The following BNC2 variants were observed in gnomAD, a reference collection of about 807,000 sequenced individuals.
BNC2 encodes the protein zinc finger protein basonuclin-2.
BNC2 carries 20 observed loss-of-function variants against 76.3 expected under a neutral mutation model. The ratio of observed to expected loss-of-function variants is 0.26; its 90% CI spans 0.18 to 0.38. The LOEUF (loss-of-function observed/expected upper bound fraction) is 0.38, where lower values mean the gene tolerates loss of function less well. Ranked by LOEUF, BNC2 falls within the 10% of genes least tolerant of loss-of-function variation. The pLI is 1.00. For synonymous variants in BNC2, 582 were observed against 514.8 expected (o/e 1.13, Z -1.77); for missense variants, 1,382 against 1,399.8 (o/e 0.99, Z 0.20).
intron 4 of BNC2, among the ~76,000 whole-genome samples, chr9:16,556,643 C>T (rs1178173622): frequency 4.2e-5 from 6 of 142,428 alleles, no homozygotes; most frequent in African/African-American, 6.1e-5. Context: ...TGGTGCGCGC[C>T]TGTAGTCCCA....
At chr9:16,676,890 A>C (rs1822660157) in intron 3 of BNC2, among the ~76,000 whole-genome samples, 1 of 152,224 alleles carries the variant, frequency 6.6e-6, no homozygotes, top group Admixed American at 6.5e-5. Flanking sequence ...TGAAGATATT[A>C]TCATTTTCTT....
intron 3 of BNC2, among the ~76,000 whole-genome samples, chr9:16,602,416 C>G (rs919125582): frequency 3.9e-5 from 6 of 152,118 alleles, no homozygotes; most frequent in African/African-American, 1.4e-4. Context: ...ACATGGTATT[C>G]ACCAATGGGG....
intron 1 of BNC2, among the ~76,000 whole-genome samples, chr9:16,743,272 C>T (rs1824902677): frequency 6.6e-6 from 1 of 152,108 alleles, no homozygotes; most frequent in South Asian, 2.1e-4. Context: ...CACAGAATTT[C>T]GAATTTATTA....
chr9:16,552,407 T>C, intron 5 of BNC2, 123 bp downstream of exon 5: 1 of 823,604 alleles, frequency 1.2e-6, no homozygotes, highest in Non-Finnish European at 2.0e-6. Flanking sequence ...ACAAGCCTGC[T>C]GAAACGACCA....
chr9:16,703,634 A>G (rs188766848), intron 3 of BNC2, among the ~76,000 whole-genome samples: 7 of 152,308 alleles, frequency 4.6e-5, no homozygotes, highest in Admixed American at 3.3e-4. Flanking sequence ...TAAGAAGAAC[A>G]AGCCATCATA....
At chr9:16,536,008 G>A (rs981376476) in intron 5 of BNC2, among the ~76,000 whole-genome samples, 2 of 151,988 alleles carry the variant, frequency 1.3e-5, no homozygotes, top group African/African-American at 4.8e-5. Flanking sequence ...ATATGTAAAT[G>A]GGCCATCCTA....
chr9:16,803,663 G>A (rs535244898), intron 1 of BNC2, among the ~76,000 whole-genome samples: 2 of 152,332 alleles, frequency 1.3e-5, no homozygotes, highest in South Asian at 2.1e-4. Flanking sequence ...CTACTCAGCC[G>A]GTGACAGCTT....
chr9:16,808,956 C>G (rs372267840), intron 1 of BNC2, among the ~76,000 whole-genome samples: 1 of 152,226 alleles, frequency 6.6e-6, no homozygotes, highest in Non-Finnish European at 1.5e-5. Context: ...AAGAAGAGAG[C>G]TCCACCTCCT....
intron 5 of BNC2, among the ~76,000 whole-genome samples, chr9:16,463,102 A>C (rs1821620408): frequency 6.6e-6 from 1 of 152,042 alleles, no homozygotes; most frequent in Non-Finnish European, 1.5e-5. Flanking sequence ...GTGCAGGGAG[A>C]CTAGTACACT....
At chr9:16,717,355 T>A (rs1053731912) in intron 3 of BNC2, among the ~76,000 whole-genome samples, 4 of 152,128 alleles carry the variant, frequency 2.6e-5, no homozygotes, top group South Asian at 2.1e-4. Flanking sequence ...GGAAAAAAAA[T>A]GGAAATTTCT....
intron 3 of BNC2, among the ~76,000 whole-genome samples, chr9:16,697,298 T>C (rs756920606): frequency 2.6e-5 from 4 of 152,056 alleles, no homozygotes; most frequent in Non-Finnish European, 5.9e-5. Context: ...TGAGCCGAGA[T>C]TGCGCCACTG....
chr9:16,469,990 TTC>T lies in BNC2; in HGVS notation c.670-32468_670-32467del, dbSNP rs1336591655. ...CAACACTTGCATGCTGCTAATGGCATTCTTTTTTTTTTTTTTTTTTTTTTTGA... is the reference window on the plus strand; with the variant it reads ...CAACACTTGCATGCTGCTAATGGCATTTTTTTTTTTTTTTTTTTTTTTTGA... On this transcript the variant is annotated intron_variant, in intron 5 of 6. Coordinates refer to ENST00000380672, the MANE Select transcript of BNC2 (RefSeq NM_017637.6). Among the ~76,000 whole-genome samples the T allele has an allele frequency of 6.8e-3, 862 of 127,700 alleles. 4 individuals are homozygous for T. Among genetic ancestry groups the T allele is most frequent in the African/African-American group, 0.021 (626 of 30,458 alleles). The allele number at this position is 127,700 out of a possible 152,430, so 83.8% of individuals were successfully genotyped here. A position where few individuals can be genotyped will look rare whatever the true frequency, so the allele number is the denominator to read the frequency against.
intron 5 of BNC2, among the ~76,000 whole-genome samples, chr9:16,525,490 T>C (rs186990560): frequency 4.6e-5 from 7 of 152,234 alleles, no homozygotes; most frequent in Non-Finnish European, 1.0e-4. Context: ...CTGATAATCA[T>C]AAAAGGATGG....
chr9:16,683,463 C>T (rs999236131), intron 3 of BNC2, among the ~76,000 whole-genome samples: 4 of 152,174 alleles, frequency 2.6e-5, no homozygotes, highest in African/African-American at 9.7e-5. Flanking sequence ...AGCAAAACCT[C>T]TAGTGATGAT....
At chr9:16,818,265 G>GT (rs1232889867) in intron 1 of BNC2, among the ~76,000 whole-genome samples, 33 of 152,172 alleles carry the variant, frequency 2.2e-4, no homozygotes, top group African/African-American at 7.5e-4. Flanking sequence ...TTAGCCGGGC[G>GT]AGTTGGCGGG....
chr9:16,435,154 C>T lies in BNC2; in HGVS notation c.2639+401G>A, dbSNP rs180693470. On this transcript the variant is annotated intron_variant, in intron 6 of 6. Transcript: ENST00000380672. ...ATAATATACTGATTTAATTAAAAAG[C>T]CACATGGCAAAGCAGAAATATAAAT... 85 of 428,236 alleles carry T rather than the reference C, an allele frequency of 2.0e-4. 2 individuals carry two copies. In the Admixed American group the frequency reaches 2.3e-3, roughly 12 times the overall value. 26.5% of individuals were successfully genotyped at this position (428,236 alleles called of 1,614,324 possible).
intron 3 of BNC2, among the ~76,000 whole-genome samples, chr9:16,665,488 AAG>A (rs754680621): frequency 0.01 from 1,391 of 135,492 alleles, 17 homozygotes; most frequent in East Asian, 0.049. Context: ...GAAAGAAAGA[AAG>A]AGAGAGAGAG....
intron 6 of BNC2, among the ~76,000 whole-genome samples, chr9:16,434,052 G>C (rs1820955300): frequency 6.6e-6 from 1 of 152,194 alleles, no homozygotes; most frequent in East Asian, 1.9e-4. Flanking sequence ...ACTTGGAACT[G>C]AAATAACGTT....
In BNC2 at chr9:16,865,323, G is replaced by C. The variant is rs77332323; in HGVS notation, c.3+5323C>G. 7.3e-3 allele frequency among the ~76,000 whole-genome samples: 1,106 copies of C among 152,232 alleles called. 12 individuals are homozygous for C. The highest frequency in any genetic ancestry group is 0.027 in the Middle Eastern group (8 of 294). The stretch of plus-strand genomic sequence containing the variant: ...TTCACATTCTGCCTTCCTTATGGAA[G>C]AATTCCTGATACTCATCTTATTAGA... On this transcript the variant is annotated intron_variant, in intron 1 of 6. Transcript: ENST00000380672.
Sources: gnomAD v4.1 joint callset for allele counts (sites outside exome capture counted in the v4.1 genomes callset) on GRCh38, gnomAD v4.1.1 for gene constraint, MANE v1.5 for transcripts, NCBI Gene and HGNC (gene_info 2026-07-23, HGNC 2026-07-21) for gene names.